Variants in NTF3 observed in about 807,000 individuals in gnomAD.
The protein encoded by NTF3 is neurotrophin-3.
In NTF3, 8 loss-of-function variants were observed where a neutral mutation model predicts 26.3. The observed-to-expected ratio is 0.30, with a 90% CI of 0.18 to 0.55. NTF3 has a LOEUF of 0.55. Ranked by LOEUF, NTF3 falls within the 20% of genes least tolerant of loss-of-function variation. The pLI is 0.93. For missense variants in NTF3, 276 were observed against 352.9 expected (o/e 0.78, Z 1.75); for synonymous variants, 154 against 145.5 (o/e 1.06, Z -0.42).
chr12:5,468,802 A>T (rs1400715985), intron 1 of NTF3, among the ~76,000 whole-genome samples: 1 of 152,180 alleles, frequency 6.6e-6, no homozygotes, highest in African/African-American at 2.4e-5. Flanking sequence ...CTCATCACTC[A>T]GAGGGGAGGT....
chr12:5,473,415 C>T (rs1940689342), intron 1 of NTF3, among the ~76,000 whole-genome samples: 1 of 152,230 alleles, frequency 6.6e-6, no homozygotes, highest in Admixed American at 6.5e-5. Flanking sequence ...CGTGCTTAGA[C>T]GTTGCCTTCA....
At chr12:5,435,910 A>G (rs192403069) in intron 1 of NTF3, among the ~76,000 whole-genome samples, 2 of 152,238 alleles carry the variant, frequency 1.3e-5, no homozygotes, top group East Asian at 3.9e-4. Flanking sequence ...GGAGGGGTGG[A>G]TATTCTGGCT....
At chr12:5,432,085 A>G, upstream of NTF3, 1 of 570,378 alleles carries the variant, frequency 1.8e-6, no homozygotes. Flanking sequence ...GCTGGTTATA[A>G]CCGCGCAGAT....
At chr12:5,459,715 T>C (rs1425842588) in intron 1 of NTF3, among the ~76,000 whole-genome samples, 1 of 152,204 alleles carries the variant, frequency 6.6e-6, no homozygotes, top group East Asian at 1.9e-4. Context: ...GGAAAAGGCC[T>C]TGGTCCCAGA....
intron 1 of NTF3, among the ~76,000 whole-genome samples, chr12:5,476,780 T>C (rs1351867690): frequency 1.3e-5 from 2 of 152,190 alleles, no homozygotes; most frequent in Non-Finnish European, 1.5e-5. Context: ...CCATCAAGAT[T>C]TTGTTTAGGT....
intron 1 of NTF3, 101 bp downstream of exon 1, chr12:5,432,443 G>T (rs1432770063): frequency 2.3e-6 from 3 of 1,296,296 alleles, no homozygotes; most frequent in African/African-American, 2.9e-5. Context: ...CCCCAGATCC[G>T]CATCCCGCCC....
chr12:5,452,374 C>T (rs939511762), intron 1 of NTF3, among the ~76,000 whole-genome samples: 1 of 152,168 alleles, frequency 6.6e-6, no homozygotes, highest in Non-Finnish European at 1.5e-5. Flanking sequence ...GAATTACAGG[C>T]GTGAGCCACC....
At chr12:5,436,339 T>C (rs545352812) in intron 1 of NTF3, among the ~76,000 whole-genome samples, 1 of 152,262 alleles carries the variant, frequency 6.6e-6, no homozygotes, top group East Asian at 1.9e-4. Flanking sequence ...AAGAGATAGT[T>C]TATATAGGGC....
At chr12:5,487,508 C>T (rs1940881066) in intron 1 of NTF3, among the ~76,000 whole-genome samples, 1 of 152,216 alleles carries the variant, frequency 6.6e-6, no homozygotes, top group African/African-American at 2.4e-5. Context: ...AGTCAGTCTT[C>T]TGAGGTTCTC....
rs1417418518 is a variant in NTF3 at position 5,461,670 on chromosome 12, T to C, written c.18+29328T>C. ...TCATGCTCCATCAGCAACAGCCCTCTGTCAATAATGATTGTCCCAGGGAAG... is the reference window on the plus strand; with the variant it reads ...TCATGCTCCATCAGCAACAGCCCTCCGTCAATAATGATTGTCCCAGGGAAG... On this transcript the variant is annotated intron_variant, in intron 1 of 1. Coordinates refer to ENST00000423158, the MANE Select transcript of NTF3 (RefSeq NM_001102654.2). Among the ~76,000 whole-genome samples, 4 of 152,126 alleles carry C rather than the reference T, an allele frequency of 2.6e-5. No individual in the cohort carries two copies. In the East Asian group the frequency reaches 7.8e-4, roughly 29 times the overall value.
At chr12:5,445,290 GTGTGTGTGTA>G (rs201999715) in intron 1 of NTF3, among the ~76,000 whole-genome samples, 6,671 of 62,762 alleles carry the variant, frequency 0.11, 205 homozygotes, top group Middle Eastern at 0.21. Context: ...ATTAAATGAT[GTGTGTGTGTA>G]TGTGTGTGTG....
chr12:5,444,364 A>G (rs1175868110), intron 1 of NTF3, among the ~76,000 whole-genome samples: 1 of 152,224 alleles, frequency 6.6e-6, no homozygotes, highest in East Asian at 1.9e-4. Context: ...ATTCTCCCCA[A>G]ACCAACAAAT....
chr12:5,446,245 A>G (rs1940303410), intron 1 of NTF3, among the ~76,000 whole-genome samples: 1 of 152,208 alleles, frequency 6.6e-6, no homozygotes, highest in African/African-American at 2.4e-5. Flanking sequence ...AGAGGCAGAT[A>G]TTATACCAGA....
intron 1 of NTF3, among the ~76,000 whole-genome samples, chr12:5,471,337 A>G (rs1340471321): frequency 6.6e-6 from 1 of 152,174 alleles, no homozygotes; most frequent in East Asian, 1.9e-4. Context: ...TATCTGTCAC[A>G]CAGAAGCACT....
At chr12:5,432,429 G>T in intron 1 of NTF3, 87 bp downstream of exon 1, 1 of 1,476,002 alleles carries the variant, frequency 6.8e-7, no homozygotes, top group Non-Finnish European at 9.3e-7. Context: ...ACTGGTGCGG[G>T]GGGCCCCAGA....
At chr12:5,467,472 C>G (rs1160457973) in intron 1 of NTF3, among the ~76,000 whole-genome samples, 1 of 152,134 alleles carries the variant, frequency 6.6e-6, no homozygotes, top group East Asian at 1.9e-4. Flanking sequence ...GGTGTTCCTC[C>G]CCATATCTAA....
chr12:5,434,830 G>A (rs1940147080), intron 1 of NTF3, among the ~76,000 whole-genome samples: 1 of 151,982 alleles, frequency 6.6e-6, no homozygotes, highest in African/African-American at 2.4e-5. Context: ...AGGGATGTGT[G>A]TGGGGGGTGG....
chr12:5,441,500 G>A (rs1429610591), intron 1 of NTF3, among the ~76,000 whole-genome samples: 1 of 152,098 alleles, frequency 6.6e-6, no homozygotes, highest in African/African-American at 2.4e-5. Context: ...CTTAACCTGG[G>A]AAGCCTCCCT....
intron 1 of NTF3, among the ~76,000 whole-genome samples, chr12:5,453,032 A>G (rs1172188501): frequency 6.6e-6 from 1 of 152,174 alleles, no homozygotes; most frequent in African/African-American, 2.4e-5. Flanking sequence ...CACATCCATC[A>G]TCCTCAAGTT....
Sources: gnomAD v4.1 joint callset for allele counts (sites outside exome capture counted in the v4.1 genomes callset) on GRCh38, gnomAD v4.1.1 for gene constraint, MANE v1.5 for transcripts, NCBI Gene and HGNC (gene_info 2026-07-23, HGNC 2026-07-21) for gene names.